ZNF577: variants seen among roughly 807,000 people sequenced by gnomAD.
The protein encoded by ZNF577 is zinc finger protein 577.
ZNF577 carries 14 observed loss-of-function variants against 13.9 expected under a neutral mutation model. The ratio of observed to expected loss-of-function variants is 1.00; its 90% CI spans 0.66 to 1.57. ZNF577 has a LOEUF of 1.57. ZNF577 is among the 40% of genes most tolerant of loss of function. The pLI, the probability that ZNF577 is intolerant of heterozygous loss-of-function variation, is 0.00. For synonymous variants in ZNF577, 203 were observed against 202.9 expected (o/e 1.00, Z 0.00); for missense variants, 555 against 579.2 (o/e 0.96, Z 0.43).
At chr19:51,852,915 A>T (rs1348197059) in intron 5 of ZNF577, among the ~76,000 whole-genome samples, 1 of 150,746 alleles carries the variant, frequency 6.6e-6, no homozygotes, top group Non-Finnish European at 1.5e-5. Context: ...ATGGCTCTTT[A>T]AAAGACAGTT....
rs888677449 is a variant in ZNF577, at chr19:51,824,420, C to T, written c.*600-12746G>A. 5.0e-6 allele frequency: 8 copies of T among 1,613,982 alleles called. No individual in the cohort carries two copies. Among genetic ancestry groups the T allele is most frequent in the African/African-American group, 1.3e-5 (1 of 74,920 alleles). On this transcript the variant is annotated intron_variant and NMD_transcript_variant, in intron 9 of 10. Coordinates refer to the ZNF577 transcript ENST00000638827. The surrounding 1 kb of genome is among the most constrained non-coding windows in gnomAD (Gnocchi z 4.7). ...TCATCACAGTCTGCTATGGGATCAT[C>T]GCTGCCAAAATTCACAGAAACCACA...
intron 9 of ZNF577, among the ~76,000 whole-genome samples, chr19:51,815,141 C>T (rs887522464): frequency 6.6e-6 from 1 of 152,056 alleles, no homozygotes; most frequent in African/African-American, 2.4e-5. Flanking sequence ...TTATTTAGGG[C>T]GAGGTCCCTT....
chr19:51,805,044 G>GCAGGCACAGT (rs1361562898), exon 11 of ZNF577: 2 of 152,184 alleles, frequency 1.3e-5, no homozygotes, highest in Non-Finnish European at 2.9e-5. Flanking sequence ...CCTTCTGGCG[G>GCAGGCACAGT]CAGGCACAGT....
intron 5 of ZNF577, among the ~76,000 whole-genome samples, chr19:51,875,363 C>CAA (rs538987406): frequency 0.15 from 9,360 of 62,572 alleles, 485 homozygotes; most frequent in East Asian, 0.25. Context: ...AACTCTGTCA[C>CAA]AAAAAAAAAA....
At chr19:51,854,975 A>G (rs937513777) in intron 5 of ZNF577, among the ~76,000 whole-genome samples, 1 of 152,178 alleles carries the variant, frequency 6.6e-6, no homozygotes, top group Non-Finnish European at 1.5e-5. Flanking sequence ...AGTTCTTTAT[A>G]CATGGTTTAC....
intron 9 of ZNF577, among the ~76,000 whole-genome samples, chr19:51,820,402 T>A (rs1190585748): frequency 6.6e-6 from 1 of 152,186 alleles, no homozygotes; most frequent in East Asian, 1.9e-4. Context: ...AATAATAAAA[T>A]ACACATTGGT....
At chr19:51,850,404 T>C (rs1049238997) in intron 5 of ZNF577, among the ~76,000 whole-genome samples, 9 of 152,210 alleles carry the variant, frequency 5.9e-5, no homozygotes, top group Non-Finnish European at 1.0e-4. Flanking sequence ...AAACTTCCCT[T>C]ATTGGCATTA....
rs761167915 is a variant in ZNF577 at position 51,824,460 on chromosome 19, C to T, written c.*600-12786G>A. On this transcript the variant is annotated intron_variant and NMD_transcript_variant, in intron 9 of 10. Coordinates refer to the ZNF577 transcript ENST00000638827. This position sits in a 1 kb window ranked among gnomAD's most constrained non-coding sequence, Gnocchi z 4.7. ...CAGAAACCACATGATTAAATCCAGC[C>T]GTCCCTTACGTGTCTTCGCTGCTGT... The T allele has an allele frequency of 3.2e-5, 51 of 1,613,920 alleles. No homozygotes were observed. The East Asian group carries it at 8.0e-4, about 25-fold the overall frequency.
Position 51,824,091 on chromosome 19 carries a change from C to G in ZNF577, c.*600-12417G>C. The G allele has an allele frequency of 1.2e-6, 2 of 1,614,066 alleles. No individual in the cohort carries two copies. The highest frequency in any genetic ancestry group is 8.5e-7 in the Non-Finnish European group (1 of 1,179,978). On this transcript the variant is annotated intron_variant and NMD_transcript_variant, in intron 9 of 10. Coordinates refer to the ZNF577 transcript ENST00000638827. The surrounding 1 kb of genome is among the most constrained non-coding windows in gnomAD (Gnocchi z 4.7). ...CATCAACCTGTTTGTCAGTGTCTACCTGATCACCATCATTGCTCTGGACCG... is the reference window on the plus strand; with the variant it reads ...CATCAACCTGTTTGTCAGTGTCTACGTGATCACCATCATTGCTCTGGACCG...
In ZNF577 at chr19:51,873,331, C is replaced by G. The variant is rs751425012; in HGVS notation, c.659G>C (p.Gly220Ala). 2 of 1,614,204 alleles carry G rather than the reference C, an allele frequency of 1.2e-6. No homozygotes were observed. Among genetic ancestry groups the G allele is most frequent in the Non-Finnish European group, 8.5e-7 (1 of 1,180,036 alleles). ...GEKPHECSECGKAFSRKSQLM... is the reference protein window; with the variant it reads ...GEKPHECSECAKAFSRKSQLM... ...CTGTGACTTTCTGGAGAAGGCTTTT[C>G]CACATTCACTACATTCATGGGGCTT... Residue 220 changes from glycine (G) to alanine (A), a missense_variant, in exon 6 of 6, where the codon GGA (glycine) becomes GCA (alanine). Physicochemically the swap from Gly to Ala is moderately conservative, Grantham distance 60 (BLOSUM62 0). Transcript: ENST00000638348.
chr19:51,811,763 G>A (rs539881861), intron 9 of ZNF577: 1 of 150,672 alleles, frequency 6.6e-6, no homozygotes, highest in Non-Finnish European at 1.5e-5. Flanking sequence ...CTTGCCTCTA[G>A]TGGACAAGGA....
rs2288868 is a variant in ZNF577, at chr19:51,873,254, T to C, written c.736A>G (p.Lys246Glu). 649,866 of 1,613,624 alleles carry C rather than the reference T, an allele frequency of 0.4. 137,374 individuals are homozygous for C. Among genetic ancestry groups the C allele is most frequent in the African/African-American group, 0.65 (48,464 of 74,948 alleles). ...HTGEKPYRCS[K>E]CGKAFSRKCR... ...TTCCGGCTGAAGGCTTTTCCGCATT[T>C]GCTGCATCTGTAGGGTTTCTCTCCT... The change falls in exon 6 of 6, where the codon AAA becomes GAA. Residue 246 changes from lysine (K) to glutamate (E), a missense_variant. Lys to Glu is a moderately conservative substitution (Grantham distance 56, BLOSUM62 1). Coordinates refer to ENST00000638348, the MANE Select transcript of ZNF577 (RefSeq NM_001370449.1).
At chr19:51,879,575 G>A (rs1255969555) in intron 3 of ZNF577, among the ~76,000 whole-genome samples, 1 of 151,898 alleles carries the variant, frequency 6.6e-6, no homozygotes, top group African/African-American at 2.4e-5. Context: ...AACTTGGGGG[G>A]AGAAAAAAAG....
chr19:51,842,592 A>C (rs905662326), intron 8 of ZNF577, among the ~76,000 whole-genome samples: 9 of 152,216 alleles, frequency 5.9e-5, no homozygotes, highest in African/African-American at 2.2e-4. Flanking sequence ...AATTATTTAT[A>C]AATTACCCTG....
chr19:51,877,967 A>G (rs2084793161), intron 4 of ZNF577: 1 of 157,042 alleles, frequency 6.4e-6, no homozygotes, highest in Non-Finnish European at 1.4e-5. Context: ...AACATGGATA[A>G]ACCTTGAGAA....
intron 1 of ZNF577, among the ~76,000 whole-genome samples, chr19:51,881,124 C>A (rs897055175): frequency 6.6e-6 from 1 of 152,086 alleles, no homozygotes; most frequent in Non-Finnish European, 1.5e-5. Flanking sequence ...AAACAAAAAC[C>A]ACCTATGGTC....
chr19:51,882,479 T>TAAAAA (rs58821740), intron 1 of ZNF577, among the ~76,000 whole-genome samples: 1 of 128,258 alleles, frequency 7.8e-6, no homozygotes, highest in Non-Finnish European at 1.8e-5. Flanking sequence ...CAGTATCCAA[T>TAAAAA]AAAAAAAAAA....
intron 10 of ZNF577, among the ~76,000 whole-genome samples, chr19:51,806,022 TG>T (rs1365257918): frequency 6.6e-6 from 1 of 152,220 alleles, no homozygotes; most frequent in East Asian, 1.9e-4. Flanking sequence ...ACAGGTCAAC[TG>T]GGTATTGTTT....
chr19:51,860,843 T>A (rs1459655339), intron 5 of ZNF577: 1 of 361,768 alleles, frequency 2.8e-6, no homozygotes, highest in Non-Finnish European at 5.2e-6. Context: ...ACTGTATCTA[T>A]GAGATTTCTC....
Sources: allele counts gnomAD v4.1 joint callset (sites outside exome capture counted in the v4.1 genomes callset), GRCh38; gene constraint gnomAD v4.1.1; non-coding constraint Gnocchi (gnomAD v3.1); transcripts MANE v1.5; gene names NCBI Gene and HGNC (gene_info 2026-07-23, HGNC 2026-07-21).